CCDC171: variants seen among roughly 807,000 people sequenced by gnomAD.
The protein encoded by CCDC171 is coiled-coil domain-containing protein 171.
Under a neutral mutation model 168.2 loss-of-function variants are expected in CCDC171, and 177 were observed. The ratio of observed to expected loss-of-function variants is 1.05; its 90% CI spans 0.93 to 1.19. The LOEUF is 1.19. Ranked by LOEUF, CCDC171 falls within the 50% of genes most tolerant of loss-of-function variation. CCDC171 has a pLI of 0.00. For missense variants in CCDC171, 1,991 were observed against 1,539.0 expected, an observed-to-expected ratio of 1.29 and a Z score of -4.91; for synonymous variants, 687 against 540.8, an observed-to-expected ratio of 1.27 and a Z score of -3.75.
chr9:16,015,230 A>G (rs980225272), intron 3 of CCDC171, among the ~76,000 whole-genome samples: 5 of 152,140 alleles, frequency 3.3e-5, no homozygotes, highest in Admixed American at 1.3e-4. Context: ...TTACACTTCT[A>G]TGTAATGGAG....
chr9:16,027,611 G>A (rs1316921260), intron 6 of CCDC171, among the ~76,000 whole-genome samples: 3 of 152,218 alleles, frequency 2.0e-5, no homozygotes, highest in East Asian at 3.9e-4. Context: ...TCAGGACTGA[G>A]TATTGCAGTC....
intron 7 of CCDC171, among the ~76,000 whole-genome samples, chr9:15,641,104 C>T (rs958519945): frequency 6.6e-6 from 1 of 152,020 alleles, no homozygotes; most frequent in South Asian, 2.1e-4. Flanking sequence ...TGGATTATTA[C>T]TATATTTATT....
At chr9:15,648,830 AT>A (rs1434400942) in intron 7 of CCDC171, among the ~76,000 whole-genome samples, 2 of 152,200 alleles carry the variant, frequency 1.3e-5, no homozygotes, top group Non-Finnish European at 2.9e-5. Flanking sequence ...GCCCAAGGTA[AT>A]TTATTGATTC....
In CCDC171 at chr9:16,005,054, G is replaced by A. The variant is rs115387942; in HGVS notation, n.369-15535G>A. 5.1e-3 allele frequency among the ~76,000 whole-genome samples: 783 copies of A among 152,236 alleles called. 5 individuals carry two copies. The highest frequency in any genetic ancestry group is 0.018 in the African/African-American group (766 of 41,532). Reference sequence around the variant, plus strand: ...TGTAACATATAATTCACCCATTAAAGTGTACAATTCAATGATACAGTATTT... The same window carrying A: ...TGTAACATATAATTCACCCATTAAAATGTACAATTCAATGATACAGTATTT... On this transcript the variant is annotated intron_variant and non_coding_transcript_variant, in intron 3 of 9. Coordinates refer to the CCDC171 transcript ENST00000486641.
chr9:15,905,411 C>A (rs1822415724), intron 24 of CCDC171, among the ~76,000 whole-genome samples: 2 of 152,156 alleles, frequency 1.3e-5, no homozygotes, highest in Non-Finnish European at 2.9e-5. Context: ...ACAACCTGCT[C>A]CTGAATGACT....
chr9:15,815,928 A>G (rs140768673), intron 21 of CCDC171, among the ~76,000 whole-genome samples: 2,281 of 117,642 alleles, frequency 0.019, 663 homozygotes, highest in African/African-American at 0.069. Flanking sequence ...TTAAGAAAAC[A>G]ATAGCTCTCA....
At chr9:15,677,212 T>C (rs1366665068) in intron 9 of CCDC171, among the ~76,000 whole-genome samples, 1 of 152,188 alleles carries the variant, frequency 6.6e-6, no homozygotes, top group East Asian at 1.9e-4. Context: ...GATTTTCTTA[T>C]CTTTTTCTAC....
intron 9 of CCDC171, among the ~76,000 whole-genome samples, chr9:15,677,916 A>ATATATATG (rs1554754385): frequency 1.2e-4 from 4 of 32,324 alleles, no homozygotes; most frequent in Admixed American, 4.6e-4. Context: ...ATATATATAT[A>ATATATATG]TATATATATA....
chr9:16,047,579 C>A (rs1052570748), intron 1 of CCDC171, among the ~76,000 whole-genome samples: 3 of 152,206 alleles, frequency 2.0e-5, no homozygotes, highest in African/African-American at 4.8e-5. Flanking sequence ...TCACCAAATT[C>A]TATTTGAAGG....
intron 6 of CCDC171, among the ~76,000 whole-genome samples, chr9:15,619,196 A>G (rs115266852): frequency 1.8e-3 from 270 of 152,284 alleles, no homozygotes; most frequent in African/African-American, 6.2e-3. Context: ...TAAGTGTTCA[A>G]GTGAAAGGAA....
intron 3 of CCDC171, among the ~76,000 whole-genome samples, chr9:16,015,185 G>T (rs1832978127): frequency 1.3e-5 from 2 of 152,286 alleles, no homozygotes; most frequent in South Asian, 2.1e-4. Flanking sequence ...TGGATAACTT[G>T]CTGCAGCTTC....
intron 8 of CCDC171, 72 bp from the exon 9 acceptor site, chr9:15,666,091 G>T: frequency 7.5e-7 from 1 of 1,337,266 alleles, no homozygotes; most frequent in East Asian, 2.3e-5. Context: ...TACTGACAAA[G>T]TATTCTACTC....
chr9:15,867,147 G>A (rs954964116), intron 23 of CCDC171, among the ~76,000 whole-genome samples: 1 of 152,008 alleles, frequency 6.6e-6, no homozygotes, highest in African/African-American at 2.4e-5. Flanking sequence ...TGATTCCTAT[G>A]AGATAGAAAG....
intron 2 of CCDC171, among the ~76,000 whole-genome samples, chr9:15,565,079 C>T (rs1457283515): frequency 7.0e-6 from 1 of 141,882 alleles, no homozygotes; most frequent in Non-Finnish European, 1.5e-5. Context: ...AAGCTACCCA[C>T]CCCCCACTTT....
downstream of CCDC171, among the ~76,000 whole-genome samples, chr9:16,063,098 C>T (rs1182144020): frequency 6.6e-6 from 1 of 152,142 alleles, no homozygotes; most frequent in Admixed American, 6.5e-5. Context: ...TGGTGAATCA[C>T]TGATGAATAA....
intron 16 of CCDC171, among the ~76,000 whole-genome samples, chr9:15,741,365 T>A (rs1362382627): frequency 1.3e-5 from 2 of 152,216 alleles, no homozygotes; most frequent in Non-Finnish European, 2.9e-5. Flanking sequence ...TGTGTATATT[T>A]TGTATAAATG....
rs1484541296 is a variant in CCDC171, at chr9:16,020,455, A to G, written n.369-134A>G. 3.3e-5 allele frequency: 5 copies of G among 153,194 alleles called. No individual in the cohort carries two copies. In the East Asian group the frequency reaches 7.7e-4, roughly 24 times the overall value. The allele number at this position is 153,194 out of a possible 1,614,324, so 9.5% of individuals were successfully genotyped here. On this transcript the variant is annotated intron_variant and non_coding_transcript_variant, in intron 3 of 9. Transcript: ENST00000486641. Reference sequence around the variant, plus strand: ...TTACAATTTCATGAAGAAATTGTAGAAGATTTGTTTTTACTGCAGATCTTA... The same window carrying G: ...TTACAATTTCATGAAGAAATTGTAGGAGATTTGTTTTTACTGCAGATCTTA...
At chr9:15,985,846 T>C (rs142351804) in intron 3 of CCDC171, among the ~76,000 whole-genome samples, 4 of 152,362 alleles carry the variant, frequency 2.6e-5, no homozygotes, top group East Asian at 3.9e-4. Flanking sequence ...TTGGAATTAC[T>C]TGATACCATT....
intron 1 of CCDC171, among the ~76,000 whole-genome samples, chr9:16,050,499 T>C (rs539471522): frequency 2.3e-4 from 35 of 152,230 alleles, no homozygotes; most frequent in Non-Finnish European, 4.0e-4. Context: ...TATTTAATCA[T>C]GTATGACTTC....
Sources: gnomAD v4.1 joint callset for allele counts (sites outside exome capture counted in the v4.1 genomes callset) on GRCh38, gnomAD v4.1.1 for gene constraint, MANE v1.5 for transcripts, NCBI Gene and HGNC (gene_info 2026-07-23, HGNC 2026-07-21) for gene names.